Variants in CHL1 observed in about 807,000 individuals in gnomAD.
CHL1 encodes cell adhesion molecule L1 like, also known as neural cell adhesion molecule L1-like protein.
Under a neutral mutation model 141.9 loss-of-function variants are expected in CHL1, and 96 were observed. The observed-to-expected ratio is 0.68, with a 90% CI of 0.57 to 0.80. The LOEUF is 0.80. Ranked by LOEUF, CHL1 falls within the 30% of genes least tolerant of loss-of-function variation. The pLI is 0.00. For synonymous variants in CHL1, 613 were observed against 502.2 expected, an observed-to-expected ratio of 1.22 and a Z score of -2.95; for missense variants, 1,820 against 1,457.2, an observed-to-expected ratio of 1.25 and a Z score of -4.05.
At chr3:337,741 A>G (rs971746344) in intron 5 of CHL1, among the ~76,000 whole-genome samples, 5 of 152,186 alleles carry the variant, frequency 3.3e-5, no homozygotes, top group Non-Finnish European at 5.9e-5. Context: ...TATATGTGCC[A>G]CATTTTCTTA....
intron 5 of CHL1, among the ~76,000 whole-genome samples, chr3:330,152 T>A (rs1168621127): frequency 1.3e-5 from 2 of 152,060 alleles, no homozygotes; most frequent in East Asian, 3.9e-4. Flanking sequence ...AATATCAAAA[T>A]GTAATTAAGT....
At position 205,664 on chromosome 3, in the gene CHL1, C is replaced by T. The variant is rs532818370; in HGVS notation, c.-175+8601C>T. ...GTCTGTGTGTGTGTGTGTGTGCGCG[C>T]GCACGTGTATGTGTGGGTCCTATGA... is the stretch of plus-strand genomic sequence containing the variant. On this transcript the variant is annotated intron_variant, in intron 1 of 27. Transcript: ENST00000256509. Among the ~76,000 whole-genome samples, 250 of 152,064 alleles carry T rather than the reference C, an allele frequency of 1.6e-3. 1 individual carries two copies. The highest frequency in any genetic ancestry group is 5.8e-4 in the African/African-American group (24 of 41,458).
intron 2 of CHL1, among the ~76,000 whole-genome samples, chr3:245,852 A>G (rs890737083): frequency 3.9e-5 from 6 of 152,130 alleles, no homozygotes; most frequent in Admixed American, 6.6e-5. Context: ...TTTGAAAAAC[A>G]TTTGATCTCT....
intron 10 of CHL1, among the ~76,000 whole-genome samples, chr3:350,012 AGG>A (rs989466213): frequency 1.3e-5 from 2 of 152,218 alleles, no homozygotes; most frequent in Non-Finnish European, 2.9e-5. Flanking sequence ...TGAAAGAGGC[AGG>A]CAAATTGTTG....
rs566406023 is a variant in CHL1 at position 376,452 on chromosome 3, C to T, written c.1752-1366C>T. 89 of 510,248 alleles carry T rather than the reference C, an allele frequency of 1.7e-4. No individual in the cohort carries two copies. The East Asian group carries it at 2.9e-3, about 17-fold the overall frequency. 31.6% of individuals were successfully genotyped at this position (510,248 alleles called of 1,614,324 possible). A position where few individuals can be genotyped will look rare whatever the true frequency, so the allele number is the denominator to read the frequency against. ...TAGGTATACCATACCTACCACATTT[C>T]GAGGACTAGTGAGGCACCCAACGTT... On this transcript the variant is annotated intron_variant, in intron 15 of 27. Transcript: ENST00000256509.
chr3:352,834 T>C (rs3773392), intron 10 of CHL1, among the ~76,000 whole-genome samples: 54,340 of 152,080 alleles, frequency 0.36, 10,257 homozygotes, highest in South Asian at 0.46. Flanking sequence ...TTGATAAATA[T>C]TGGGGGAGCT....
chr3:327,056 A>G (rs186037518), intron 4 of CHL1, among the ~76,000 whole-genome samples: 45 of 152,040 alleles, frequency 3.0e-4, no homozygotes, highest in African/African-American at 1.0e-3. Context: ...TATTAATATT[A>G]ATTAGCTGAA....
In CHL1 at chr3:399,067, C is replaced by G; in HGVS notation, c.3304C>G (p.Leu1102Val). Residue 1102 changes from leucine to valine, a missense_variant, in exon 26 of 28, where the codon CTG becomes GTG. By Grantham distance (32) the Leu-to-Val change is conservative. Transcript: ENST00000256509. ...CTCCACTCAAGGCTGGTTTATTGGA[C>G]TGATGTGTGCGATTGCTCTTCTCAC... ...DISTQGWFIG[L>V]MCAIALLTLL... The G allele has an allele frequency of 1.9e-6, 3 of 1,609,818 alleles. No homozygotes were observed. Among genetic ancestry groups the G allele is most frequent in the African/African-American group, 1.3e-5 (1 of 74,906 alleles).
At chr3:368,311 C>T (rs1055327745) in intron 15 of CHL1, among the ~76,000 whole-genome samples, 1 of 152,206 alleles carries the variant, frequency 6.6e-6, no homozygotes, top group Middle Eastern at 3.4e-3. Context: ...GAGATGGTAT[C>T]TCATTGTGGT....
chr3:317,878 A>G (rs1362160497), intron 2 of CHL1, among the ~76,000 whole-genome samples: 1 of 151,910 alleles, frequency 6.6e-6, no homozygotes, highest in African/African-American at 2.4e-5. Flanking sequence ...TCAGAAGAGT[A>G]GTGTCAATTA....
chr3:398,929 TA>T, intron 25 of CHL1, 87 bp from the exon 26 acceptor site: 1 of 1,300,706 alleles, frequency 7.7e-7, no homozygotes, highest in Non-Finnish European at 1.1e-6. Flanking sequence ...TTGGTATGTT[TA>T]AAAATGATGT....
At chr3:242,191 A>C (rs933446559) in intron 1 of CHL1, among the ~76,000 whole-genome samples, 1 of 152,140 alleles carries the variant, frequency 6.6e-6, no homozygotes, top group Non-Finnish European at 1.5e-5. Flanking sequence ...ATGTATATAT[A>C]TATGTGTGTG....
At chr3:377,508 T>G (rs1258773894) in intron 15 of CHL1, among the ~76,000 whole-genome samples, 1 of 152,208 alleles carries the variant, frequency 6.6e-6, no homozygotes, top group African/African-American at 2.4e-5. Flanking sequence ...TTGGCCATTG[T>G]GAGGTATGAT....
At chr3:377,561 A>T (rs935593696) in intron 15 of CHL1, among the ~76,000 whole-genome samples, 4 of 152,204 alleles carry the variant, frequency 2.6e-5, no homozygotes, top group Non-Finnish European at 1.5e-5. Context: ...TCCATCACTG[A>T]CCCATGCAAA....
intron 2 of CHL1, among the ~76,000 whole-genome samples, chr3:315,873 GAGAA>G (rs1191280555): frequency 6.6e-6 from 1 of 152,008 alleles, no homozygotes; most frequent in African/African-American, 2.4e-5. Flanking sequence ...GCAAAAGAAA[GAGAA>G]AGAAAGATAA....
chr3:322,653 T>TATATATATAATTATATATATATATAAA (rs1559252798), intron 3 of CHL1, among the ~76,000 whole-genome samples: 68 of 104,562 alleles, frequency 6.5e-4, no homozygotes, highest in African/African-American at 2.7e-3. Flanking sequence ...AAAATATATA[T>TATATATATAATTATATATATATATAAA]ATATATATAT....
chr3:281,182 G>A (rs1696619388), intron 2 of CHL1, among the ~76,000 whole-genome samples: 2 of 152,124 alleles, frequency 1.3e-5, no homozygotes, highest in South Asian at 2.1e-4. Flanking sequence ...AAATTTCAAG[G>A]GCCCTCAGGT....
At chr3:352,041 A>G (rs1197684578) in intron 10 of CHL1, among the ~76,000 whole-genome samples, 1 of 152,194 alleles carries the variant, frequency 6.6e-6, no homozygotes, top group Non-Finnish European at 1.5e-5. Context: ...CAACTTTTGA[A>G]TTATTTAAAG....
intron 26 of CHL1, among the ~76,000 whole-genome samples, chr3:399,855 C>A (rs1708981406): frequency 6.6e-6 from 1 of 152,190 alleles, no homozygotes; most frequent in African/African-American, 2.4e-5. Flanking sequence ...TCTAATATTA[C>A]TGGCTCCACT....
Sources: gnomAD v4.1 joint callset for allele counts (sites outside exome capture counted in the v4.1 genomes callset) on GRCh38, gnomAD v4.1.1 for gene constraint, MANE v1.5 for transcripts, NCBI Gene and HGNC (gene_info 2026-07-23, HGNC 2026-07-21) for gene names.